Variants in AGTPBP1 observed in about 807,000 individuals in gnomAD.
AGTPBP1 encodes the protein cytosolic carboxypeptidase 1.
In AGTPBP1, 70 loss-of-function variants were observed where a neutral mutation model predicts 143.9. That is an observed-to-expected ratio of 0.49 (90% CI 0.40 to 0.59). The LOEUF (loss-of-function observed/expected upper bound fraction) is 0.59, where lower values mean the gene tolerates loss of function less well. AGTPBP1 is among the 20% of genes least tolerant of loss of function. The pLI is 0.00. For synonymous variants in AGTPBP1, 463 were observed against 500.2 expected (o/e 0.93, Z 0.99); for missense variants, 1,229 against 1,464.5 (o/e 0.84, Z 2.62).
chr9:85,766,659 G>A, the AGTPBP1 span, among the ~76,000 whole-genome samples: 89 of 152,040 alleles, frequency 5.9e-4, 1 homozygote, highest in Admixed American at 7.2e-4. Context: ...TTACTCACAT[G>A]AGCTTCTATG....
intron 2 of AGTPBP1, among the ~76,000 whole-genome samples, chr9:85,712,034 C>T (rs1169700527): frequency 1.3e-5 from 2 of 151,940 alleles, no homozygotes; most frequent in South Asian, 2.1e-4. Context: ...GAGGCCAAGG[C>T]GGGTGGATCA....
the AGTPBP1 span, among the ~76,000 whole-genome samples, chr9:85,784,447 G>GTAGTGGTA: frequency 1.3e-5 from 2 of 151,924 alleles, no homozygotes; most frequent in Non-Finnish European, 2.9e-5. Context: ...TTGCTCTGTT[G>GTAGTGGTA]CCCAGGCTGG....
intron 11 of AGTPBP1, among the ~76,000 whole-genome samples, chr9:85,649,718 G>C (rs887306182): frequency 3.3e-5 from 5 of 152,028 alleles, no homozygotes; most frequent in Admixed American, 6.5e-5. Context: ...ATATTCCTGT[G>C]TTCCTTAAAA....
chr9:85,648,617 C>T (rs1277652252), intron 11 of AGTPBP1, among the ~76,000 whole-genome samples: 1 of 152,170 alleles, frequency 6.6e-6, no homozygotes, highest in Non-Finnish European at 1.5e-5. Flanking sequence ...TCGAGACCAT[C>T]CTGGCTAACA....
intron 25 of AGTPBP1, among the ~76,000 whole-genome samples, chr9:85,557,704 A>G (rs1357919045): frequency 6.6e-6 from 1 of 152,228 alleles, no homozygotes; most frequent in African/African-American, 2.4e-5. Context: ...TACTGTTAAC[A>G]TTTAGCCAAG....
At chr9:85,773,256 C>T in the AGTPBP1 span, among the ~76,000 whole-genome samples, 4 of 70,888 alleles carry the variant, frequency 5.6e-5, no homozygotes, top group East Asian at 5.7e-4. Flanking sequence ...CAGAGAGAGA[C>T]TCCTTCTCAA....
At chr9:85,713,194 T>A (rs548919275) in intron 1 of AGTPBP1, among the ~76,000 whole-genome samples, 1 of 152,338 alleles carries the variant, frequency 6.6e-6, no homozygotes, top group Admixed American at 6.5e-5. Context: ...GTAGCAGAAT[T>A]TTTTGGCATC....
rs535786336 is a variant in AGTPBP1, at chr9:85,596,467, A to G, written c.2336-18T>C. On this transcript the variant is annotated intron_variant, in intron 17 of 25. Transcript: ENST00000357081. ...TTGCATACCTTTGAAAGAGAGAAAA[A>G]AAGAGAGAAAATTATTTTCATAATT... 74 of 1,480,060 alleles carry G rather than the reference A, an allele frequency of 5.0e-5. No homozygotes were observed. In the African/African-American group the frequency reaches 1.0e-3, roughly 20 times the overall value. 91.7% of individuals were successfully genotyped at this position (1,480,060 alleles called of 1,614,324 possible).
At chr9:85,798,362 C>CTTTT in the AGTPBP1 span, among the ~76,000 whole-genome samples, 1 of 119,268 alleles carries the variant, frequency 8.4e-6, no homozygotes, top group Non-Finnish European at 1.9e-5. Flanking sequence ...CCTCCAAGTT[C>CTTTT]TTTTTTTTTT....
At chr9:85,741,460 C>A (rs1824269199) in intron 1 of AGTPBP1, 1 of 985,314 alleles carries the variant, frequency 1.0e-6, no homozygotes, top group Middle Eastern at 5.2e-4. Flanking sequence ...GCAGAAAGGG[C>A]GGCCTCCGCC....
intron 3 of AGTPBP1, among the ~76,000 whole-genome samples, chr9:85,682,209 T>G (rs924790627): frequency 1.3e-5 from 2 of 150,884 alleles, no homozygotes; most frequent in Non-Finnish European, 1.5e-5. Context: ...CATAGATTAT[T>G]TCTATTAGGT....
At chr9:85,785,439 T>C in the AGTPBP1 span, among the ~76,000 whole-genome samples, 1 of 152,256 alleles carries the variant, frequency 6.6e-6, no homozygotes, top group Non-Finnish European at 1.5e-5. Flanking sequence ...GTCTAGTACC[T>C]GTATGCATTT....
the AGTPBP1 span, among the ~76,000 whole-genome samples, chr9:85,754,231 G>A: frequency 2.0e-5 from 3 of 152,204 alleles, no homozygotes; most frequent in Admixed American, 1.3e-4. Flanking sequence ...TCGCTCTGTC[G>A]CCCAGGCTGG....
chr9:85,762,891 A>T, the AGTPBP1 span, among the ~76,000 whole-genome samples: 1 of 150,050 alleles, frequency 6.7e-6, no homozygotes, highest in Non-Finnish European at 1.5e-5. Flanking sequence ...GAAATAGCCC[A>T]TCAAGGGCCC....
At chr9:85,771,523 GT>G in the AGTPBP1 span, among the ~76,000 whole-genome samples, 1 of 152,128 alleles carries the variant, frequency 6.6e-6, no homozygotes, top group African/African-American at 2.4e-5. Flanking sequence ...AAATGAAAAT[GT>G]TATGCACAGC....
chr9:85,669,737 T>C (rs1834365465), intron 7 of AGTPBP1, among the ~76,000 whole-genome samples, 159 bp from the exon 8 acceptor site: 1 of 151,686 alleles, frequency 6.6e-6, no homozygotes, highest in African/African-American at 2.4e-5. Context: ...GAAGAAATAG[T>C]GTTTTTTGTT....
At chr9:85,565,455 G>A (rs1300796659) in intron 25 of AGTPBP1, among the ~76,000 whole-genome samples, 2 of 151,918 alleles carry the variant, frequency 1.3e-5, no homozygotes, top group Non-Finnish European at 2.9e-5. Context: ...AAAGTTAGGG[G>A]AATTTATATT....
chr9:85,670,763 G>C (rs1273694118), intron 7 of AGTPBP1, among the ~76,000 whole-genome samples: 2 of 152,060 alleles, frequency 1.3e-5, no homozygotes, highest in Non-Finnish European at 2.9e-5. Flanking sequence ...CCTTCTATTG[G>C]TTAATCCAAT....
At chr9:85,598,247 T>G (rs1475436711) in intron 17 of AGTPBP1, among the ~76,000 whole-genome samples, 1 of 152,150 alleles carries the variant, frequency 6.6e-6, no homozygotes, top group Non-Finnish European at 1.5e-5. Flanking sequence ...TCCAGTCCAC[T>G]TTTTTTAAAG....
Sources: allele counts gnomAD v4.1 joint callset (sites outside exome capture counted in the v4.1 genomes callset), GRCh38; gene constraint gnomAD v4.1.1; transcripts MANE v1.5; gene names NCBI Gene and HGNC (gene_info 2026-07-23, HGNC 2026-07-21).